Variants in PRELID2 observed in about 807,000 individuals in gnomAD.
The protein encoded by PRELID2 is PRELI domain containing 2, also known as PRELI domain-containing protein 2.
In PRELID2, 25 loss-of-function variants were observed where a neutral mutation model predicts 28.4. That is an observed-to-expected ratio of 0.88 (90% confidence interval 0.64 to 1.23). PRELID2 has a LOEUF of 1.23. Ranked by LOEUF, PRELID2 falls within the 50% of genes most tolerant of loss-of-function variation. PRELID2 has a pLI of 0.00. For synonymous variants in PRELID2, 76 were observed against 71.6 expected, an observed-to-expected ratio of 1.06 and a Z score of -0.31; for missense variants, 201 against 214.4, an observed-to-expected ratio of 0.94 and a Z score of 0.39.
chr5:145,595,161 G>GACACACACACAC (rs3038287), intron 1 of PRELID2, among the ~76,000 whole-genome samples: 6 of 131,192 alleles, frequency 4.6e-5, no homozygotes, highest in Admixed American at 1.6e-4. Context: ...AGTCATAATA[G>GACACACACACAC]ACACACACAC....
At chr5:145,612,103 C>G (rs1753625525) in intron 1 of PRELID2, among the ~76,000 whole-genome samples, 1 of 152,150 alleles carries the variant, frequency 6.6e-6, no homozygotes, top group Admixed American at 6.5e-5. Context: ...AAATTTGTAA[C>G]TTGATCCTTA....
downstream of PRELID2, among the ~76,000 whole-genome samples, chr5:145,467,961 C>T (rs547191248): frequency 2.8e-4 from 43 of 151,836 alleles, no homozygotes; most frequent in African/African-American, 8.7e-4. Flanking sequence ...CACATGTGCA[C>T]AATGTGCAGG....
At chr5:145,597,857 T>C (rs1310954258) in intron 1 of PRELID2, among the ~76,000 whole-genome samples, 1 of 152,210 alleles carries the variant, frequency 6.6e-6, no homozygotes, top group Admixed American at 6.5e-5. Context: ...CTCAATGAAT[T>C]GCATTGAGTA....
chr5:145,761,402 T>C (rs1413744275), intron 6 of PRELID2, among the ~76,000 whole-genome samples: 1 of 152,232 alleles, frequency 6.6e-6, no homozygotes, highest in Non-Finnish European at 1.5e-5. Flanking sequence ...TATTATCATT[T>C]TAATACCTTT....
At chr5:145,546,221 GC>G (rs1326505649) in intron 1 of PRELID2, among the ~76,000 whole-genome samples, 1 of 140,382 alleles carries the variant, frequency 7.1e-6, no homozygotes, top group East Asian at 2.0e-4. Context: ...TAACATAGGA[GC>G]AAGAGAAAAA....
chr5:145,671,968 T>C (rs1223841536), intron 1 of PRELID2, among the ~76,000 whole-genome samples: 1 of 152,156 alleles, frequency 6.6e-6, no homozygotes, highest in Admixed American at 6.6e-5. Flanking sequence ...ATAATAATGG[T>C]AAAATTGCCC....
chr5:145,524,238 G>A (rs67284491), intron 1 of PRELID2, among the ~76,000 whole-genome samples: 19,205 of 152,218 alleles, frequency 0.13, 1,397 homozygotes, highest in Non-Finnish European at 0.16. Flanking sequence ...CACAGGAATG[G>A]GTCATGGGTT....
At chr5:145,535,687 G>A (rs1464018201) in intron 1 of PRELID2, among the ~76,000 whole-genome samples, 3 of 151,860 alleles carry the variant, frequency 2.0e-5, no homozygotes, top group African/African-American at 7.2e-5. Context: ...TGCAGATCCC[G>A]TTTTGGCTCC....
chr5:145,247,415 G>A, the PRELID2 span, among the ~76,000 whole-genome samples: 1 of 152,174 alleles, frequency 6.6e-6, no homozygotes, highest in African/African-American at 2.4e-5. Context: ...CAGGCAAGGT[G>A]AACCCACTGG....
chr5:145,507,774 TAATAAA>T (rs1182587384), intron 1 of PRELID2, among the ~76,000 whole-genome samples: 2 of 152,208 alleles, frequency 1.3e-5, no homozygotes, highest in Non-Finnish European at 2.9e-5. Context: ...TATCAGACCC[TAATAAA>T]ATTCTGTTTT....
chr5:145,730,419 G>A (rs941888022), intron 1 of PRELID2, among the ~76,000 whole-genome samples: 2 of 152,158 alleles, frequency 1.3e-5, no homozygotes, highest in African/African-American at 4.8e-5. Context: ...CTCTCAAAAT[G>A]CCAAACTAAG....
chr5:145,265,338 C>A, the PRELID2 span, among the ~76,000 whole-genome samples: 3 of 152,058 alleles, frequency 2.0e-5, no homozygotes, highest in African/African-American at 7.2e-5. Context: ...CAAATACAAA[C>A]CCATCTCATG....
At chr5:145,754,702 G>A (rs1458547428), downstream of PRELID2, among the ~76,000 whole-genome samples, 1 of 152,186 alleles carries the variant, frequency 6.6e-6, no homozygotes, top group Admixed American at 6.5e-5. Flanking sequence ...GATGAATGAT[G>A]AAATCATTGA....
intron 1 of PRELID2, among the ~76,000 whole-genome samples, chr5:145,491,969 T>C (rs910036871): frequency 2.0e-5 from 3 of 152,284 alleles, no homozygotes; most frequent in Admixed American, 1.3e-4. Flanking sequence ...GTTGATTCCA[T>C]GTTTGGCTAT....
At chr5:145,334,314 A>C in the PRELID2 span, among the ~76,000 whole-genome samples, 1 of 152,198 alleles carries the variant, frequency 6.6e-6, no homozygotes, top group African/African-American at 2.4e-5. Flanking sequence ...ATTTGAAAAT[A>C]AGCTTCTTTT....
chr5:145,796,679 C>G, intron 4 of PRELID2, 132 bp from the exon 5 acceptor site: 1 of 442,808 alleles, frequency 2.3e-6, no homozygotes, highest in South Asian at 5.0e-5. Flanking sequence ...CAATAACTAC[C>G]TATTATAAGA....
At chr5:145,697,732 T>A (rs1034297328) in intron 1 of PRELID2, among the ~76,000 whole-genome samples, 1 of 152,224 alleles carries the variant, frequency 6.6e-6, no homozygotes, top group East Asian at 1.9e-4. Context: ...TCCATTTCGA[T>A]AAGAAAAGTC....
intron 1 of PRELID2, among the ~76,000 whole-genome samples, chr5:145,720,843 T>A (rs1755968456): frequency 1.3e-5 from 2 of 151,978 alleles, no homozygotes; most frequent in African/African-American, 2.4e-5. Flanking sequence ...ATGCATTGAT[T>A]GTTGTATAGA....
At chr5:145,820,129 T>C in intron 2 of PRELID2, 111 bp from the exon 3 acceptor site, 1 of 588,186 alleles carries the variant, frequency 1.7e-6, no homozygotes, top group Non-Finnish European at 2.9e-6. Flanking sequence ...TTTTGTTTTT[T>C]TTTTTTGAGA....
Sources: gnomAD v4.1 joint callset for allele counts (sites outside exome capture counted in the v4.1 genomes callset) on GRCh38, gnomAD v4.1.1 for gene constraint, MANE v1.5 for transcripts, NCBI Gene and HGNC (gene_info 2026-07-23, HGNC 2026-07-21) for gene names.